Variants in FTCD observed in about 807,000 individuals in gnomAD.
FTCD encodes formimidoyltransferase cyclodeaminase.
FTCD carries 76 observed loss-of-function variants against 62.9 expected under a neutral mutation model. The ratio of observed to expected loss-of-function variants is 1.21; its 90% CI spans 1.00 to 1.46. The LOEUF is 1.46. Ranked by LOEUF, FTCD falls within the 40% of genes most tolerant of loss-of-function variation. The probability of loss-of-function intolerance (pLI) is 0.00; values close to 1 mark genes in which losing one functional copy is unlikely to be tolerated. For synonymous variants in FTCD, 397 were observed against 336.9 expected (o/e 1.18, Z -1.95); for missense variants, 845 against 751.3 (o/e 1.12, Z -1.46).
rs776056626 is a variant in FTCD, at chr21:46,154,212, C to T, written c.175G>A (p.Val59Met). 4 of 1,612,874 alleles carry T rather than the reference C, an allele frequency of 2.5e-6. No individual in the cohort carries two copies. Among genetic ancestry groups the T allele is most frequent in the East Asian group, 2.2e-5 (1 of 44,882 alleles). Residue 59 changes from valine (V) to methionine (M), a missense_variant, in exon 2 of 14, where the codon GTG (valine) becomes ATG (methionine). Coordinates refer to ENST00000397746, the MANE Select transcript of FTCD (RefSeq NM_206965.2). ...YTFVGPPECV[V>M]EGALNAARVA... is the part of the protein sequence containing the mutation. ...CGGGCAGCGTTGAGGGCCCCCTCCACCACGCACTCCGGCGGCCCCACGAAG... is the reference window on the plus strand; with the variant it reads ...CGGGCAGCGTTGAGGGCCCCCTCCATCACGCACTCCGGCGGCCCCACGAAG...
At chr21:46,140,389 G>T (rs1453334992) in intron 10 of FTCD, among the ~76,000 whole-genome samples, 1 of 144,706 alleles carries the variant, frequency 6.9e-6, no homozygotes, top group South Asian at 2.2e-4. Flanking sequence ...GGCTCACAGG[G>T]AGTGTAAACC....
intron 10 of FTCD, 126 bp downstream of exon 10, chr21:46,145,290 AC>A (rs1305060082): frequency 8.1e-6 from 6 of 737,088 alleles, no homozygotes; most frequent in Non-Finnish European, 1.3e-5. Context: ...GCCAGTGGTG[AC>A]GCCCTCAGGC....
rs75573790 is a variant in FTCD at position 46,140,653 on chromosome 21, C to T, written c.1261-1730G>A. Reference sequence around the variant, plus strand: ...GTGGCTCACAGGGAGTGTAAACCCACCCAGCACTCCCCGTCCACCTTCACG... The same window carrying T: ...GTGGCTCACAGGGAGTGTAAACCCATCCAGCACTCCCCGTCCACCTTCACG... On this transcript the variant is annotated intron_variant, in intron 10 of 13. Coordinates refer to ENST00000397746, the MANE Select transcript of FTCD (RefSeq NM_206965.2). 2.1e-3 allele frequency among the ~76,000 whole-genome samples: 125 copies of T among 58,210 alleles called. 6 individuals carry two copies. Among genetic ancestry groups the T allele is most frequent in the African/African-American group, 5.1e-3 (90 of 17,730 alleles). The allele number at this position is 58,210 out of a possible 152,430, so 38.2% of individuals were successfully genotyped here.
chr21:46,138,775 C>G, intron 11 of FTCD, 105 bp downstream of exon 11: 2 of 1,433,202 alleles, frequency 1.4e-6, no homozygotes, highest in South Asian at 1.1e-5. Context: ...ACACCCAGCA[C>G]GCCCAGGCCA....
intron 12 of FTCD, among the ~76,000 whole-genome samples, chr21:46,137,542 AG>A (rs1363644324): frequency 6.6e-6 from 1 of 152,218 alleles, no homozygotes; most frequent in East Asian, 1.9e-4. Flanking sequence ...AGCAGGGCTC[AG>A]CCCCACAGGA....
intron 10 of FTCD, among the ~76,000 whole-genome samples, chr21:46,140,562 CCCGT>C (rs2078978330): frequency 7.1e-6 from 1 of 140,274 alleles, no homozygotes; most frequent in African/African-American, 2.6e-5. Flanking sequence ...CCCAGCACTC[CCCGT>C]CCACCTTCAC....
chr21:46,146,092 T>C (rs1401846231), intron 8 of FTCD, 145 bp from the exon 9 acceptor site: 1 of 710,444 alleles, frequency 1.4e-6, no homozygotes, highest in Non-Finnish European at 2.3e-6. Flanking sequence ...CCGGCCGGGG[T>C]CTCTGTGCCC....
chr21:46,139,942 G>C (rs1193334828), intron 10 of FTCD, among the ~76,000 whole-genome samples: 1 of 152,214 alleles, frequency 6.6e-6, no homozygotes, highest in Admixed American at 6.5e-5. Context: ...GTGTGCTTTA[G>C]GTGGCCTCAT....
chr21:46,139,191 C>CT (rs2078940533), intron 10 of FTCD: 4 of 549,714 alleles, frequency 7.3e-6, no homozygotes, highest in Non-Finnish European at 9.8e-6. Flanking sequence ...TTATTCTCAG[C>CT]TAAAGAGCCT....
intron 10 of FTCD, among the ~76,000 whole-genome samples, chr21:46,141,066 C>T (rs1308871382): frequency 6.6e-6 from 1 of 152,214 alleles, no homozygotes; most frequent in Admixed American, 6.5e-5. Flanking sequence ...CATCTATGTA[C>T]TTTTCCTACT....
intron 7 of FTCD, 137 bp downstream of exon 7, chr21:46,149,982 A>T: frequency 1.1e-6 from 1 of 877,248 alleles, no homozygotes; most frequent in Non-Finnish European, 1.8e-6. Flanking sequence ...GTGAAATCTC[A>T]TCTTCTGAAC....
chr21:46,150,183 G>C lies in FTCD; in HGVS notation c.842C>G (p.Ala281Gly). 1 of 1,609,050 alleles carries C rather than the reference G, an allele frequency of 6.2e-7. No homozygotes were observed. Among genetic ancestry groups the C allele is most frequent in the Non-Finnish European group, 8.5e-7 (1 of 1,178,220 alleles). The change falls in exon 7 of 14, where the codon GCG becomes GGG. Residue 281 changes from alanine (A) to glycine (G), a missense_variant. Transcript: ENST00000397746. The stretch of plus-strand genomic sequence containing the variant: ...CTCCTTCTCGCAGTAGAAGGCGGCC[G>C]CATCCAGCAGAGCCTTCAGGGGCAC... ...GLVPLKALLD[A>G]AAFYCEKENL... is the part of the protein sequence containing the mutation.
chr21:46,148,369 G>A (rs1385503229), intron 7 of FTCD, among the ~76,000 whole-genome samples: 2 of 152,124 alleles, frequency 1.3e-5, no homozygotes, highest in African/African-American at 2.4e-5. Flanking sequence ...CACACCTGTC[G>A]TCCCAACACT....
intron 8 of FTCD, 81 bp downstream of exon 8, chr21:46,146,185 C>A: frequency 9.7e-7 from 1 of 1,034,724 alleles, no homozygotes; most frequent in Non-Finnish European, 1.5e-6. Context: ...CGGGTCTCCA[C>A]GCAGGGACCC....
At chr21:46,142,497 A>T (rs1035760850) in intron 10 of FTCD, 1 of 148,912 alleles carries the variant, frequency 6.7e-6, no homozygotes, top group Non-Finnish European at 1.5e-5. Context: ...CGAGTGTTAC[A>T]GCTCTTACAG....
chr21:46,140,024 T>C (rs963351344), intron 10 of FTCD, among the ~76,000 whole-genome samples: 1 of 152,222 alleles, frequency 6.6e-6, no homozygotes, highest in Non-Finnish European at 1.5e-5. Context: ...TTGGTTGTGT[T>C]GGTGGTGGGG....
At chr21:46,151,531 C>T (rs1488276621) in intron 5 of FTCD, 27 bp downstream of exon 5, 5 of 1,599,122 alleles carry the variant, frequency 3.1e-6, no homozygotes, top group African/African-American at 1.3e-5. Flanking sequence ...CTGGGTGGGG[C>T]TCCATGGGGT....
At chr21:46,138,480 A>C in intron 12 of FTCD, 28 bp downstream of exon 12, 1 of 1,567,978 alleles carries the variant, frequency 6.4e-7, no homozygotes, top group Non-Finnish European at 8.6e-7. Flanking sequence ...TTGCGGCAGG[A>C]GGCCTGGGGT....
Position 46,137,092 on chromosome 21 carries a change from G to A in FTCD, c.1540-19C>T. 1.2e-6 allele frequency: 2 copies of A among 1,613,724 alleles called. No homozygotes were observed. Among genetic ancestry groups the A allele is most frequent in the South Asian group, 2.2e-5 (2 of 91,084 alleles). ...GGTGGATCTGATGGACACAGGGAAA[G>A]AGGGGTCTGGTAGTTCCAGTCTTCA... On this transcript the variant is annotated intron_variant, in intron 13 of 13. Transcript: ENST00000397746.
Sources: allele counts gnomAD v4.1 joint callset (sites outside exome capture counted in the v4.1 genomes callset), GRCh38; gene constraint gnomAD v4.1.1; transcripts MANE v1.5; gene names NCBI Gene and HGNC (gene_info 2026-07-23, HGNC 2026-07-21).